Variants in ZCCHC17 observed in about 807,000 individuals in gnomAD.
The protein encoded by ZCCHC17 is zinc finger CCHC domain-containing protein 17.
A neutral mutation model predicts 30.6 loss-of-function variants in ZCCHC17; 18 were observed. That is an observed-to-expected ratio of 0.59 (90% CI 0.41 to 0.87). The LOEUF is 0.87. Among genes scored for constraint, ZCCHC17 ranks in the 40% least tolerant of loss-of-function variants. The pLI, the probability that ZCCHC17 is intolerant of heterozygous loss-of-function variation, is 0.00. For synonymous variants in ZCCHC17, 88 were observed against 92.4 expected, an observed-to-expected ratio of 0.95 and a Z score of 0.27; for missense variants, 263 against 284.2, an observed-to-expected ratio of 0.93 and a Z score of 0.54.
At chr1:31,318,336 G>A in intron 2 of ZCCHC17, 2 of 996,022 alleles carry the variant, frequency 2.0e-6, no homozygotes, top group Non-Finnish European at 2.9e-6. Context: ...GGGGGATGGG[G>A]TAGGCTACAG....
At chr1:31,350,496 C>G (rs549480068) in intron 7 of ZCCHC17, among the ~76,000 whole-genome samples, 40 of 152,224 alleles carry the variant, frequency 2.6e-4, no homozygotes, top group African/African-American at 9.6e-4. Context: ...ACATTCTTAA[C>G]TAGGATGCCA....
chr1:31,308,737 A>G (rs1417559165), intron 1 of ZCCHC17, among the ~76,000 whole-genome samples: 4 of 152,230 alleles, frequency 2.6e-5, no homozygotes, highest in Admixed American at 6.5e-5. Context: ...CAAAGCTGTA[A>G]GTTTTGCTAC....
intron 5 of ZCCHC17, among the ~76,000 whole-genome samples, chr1:31,344,472 C>A (rs1639167031): frequency 6.6e-6 from 1 of 152,132 alleles, no homozygotes; most frequent in Non-Finnish European, 1.5e-5. Flanking sequence ...CACTTACTAG[C>A]TGTACTGAAA....
intron 3 of ZCCHC17, among the ~76,000 whole-genome samples, chr1:31,320,096 A>G (rs1455587222): frequency 6.6e-6 from 1 of 152,192 alleles, no homozygotes; most frequent in Non-Finnish European, 1.5e-5. Context: ...TTGGTACTAT[A>G]GTAAAAGATA....
At position 31,338,999 on chromosome 1, in the gene ZCCHC17, G is replaced by A. The variant is rs1411054259; in HGVS notation, c.268G>A (p.Val90Ile). 6.2e-7 allele frequency: 1 copy of A among 1,612,866 alleles called. No individual in the cohort carries two copies. The highest frequency in any genetic ancestry group is 1.1e-5 in the South Asian group (1 of 90,686). Residue 90 changes from valine (V) to isoleucine (I), a missense_variant, in exon 5 of 8, where the codon GTC (valine) becomes ATC (isoleucine). Transcript: ENST00000344147. ...RIKVSLSMKVVNQGTGKDLDP... is the reference protein window; with the variant it reads ...RIKVSLSMKVINQGTGKDLDP... ...AAAAGTATCCCTCTCCATGAAGGTT[G>A]TCAATCAAGGGACTGGGAAAGACCT...
chr1:31,343,303 G>A (rs1270572027), intron 5 of ZCCHC17, among the ~76,000 whole-genome samples: 6 of 152,176 alleles, frequency 3.9e-5, no homozygotes, highest in Non-Finnish European at 8.8e-5. Flanking sequence ...CAAGTAATCC[G>A]CCTGCCTTGG....
intron 7 of ZCCHC17, among the ~76,000 whole-genome samples, chr1:31,358,902 G>A (rs1639752877): frequency 2.0e-5 from 3 of 152,116 alleles, no homozygotes; most frequent in African/African-American, 7.2e-5. Flanking sequence ...AAGAGACTGA[G>A]CCCCAGAGTG....
At chr1:31,327,343 A>G (rs1193286181) in intron 3 of ZCCHC17, among the ~76,000 whole-genome samples, 1 of 152,240 alleles carries the variant, frequency 6.6e-6, no homozygotes, top group Non-Finnish European at 1.5e-5. Flanking sequence ...AGCTGTAAAC[A>G]GGGGTTCCAT....
intron 7 of ZCCHC17, among the ~76,000 whole-genome samples, chr1:31,351,384 A>T (rs182410791): frequency 7.7e-4 from 117 of 152,084 alleles, no homozygotes; most frequent in African/African-American, 2.7e-3. Flanking sequence ...GAGTTTTAAA[A>T]AATACATATT....
At chr1:31,323,257 T>C (rs189866786) in intron 3 of ZCCHC17, among the ~76,000 whole-genome samples, 1 of 152,364 alleles carries the variant, frequency 6.6e-6, no homozygotes, top group Admixed American at 6.5e-5. Context: ...TAGTGTACTA[T>C]AGTTTTCCAA....
intron 1 of ZCCHC17, among the ~76,000 whole-genome samples, chr1:31,305,998 G>A (rs971486595): frequency 1.3e-5 from 2 of 152,022 alleles, no homozygotes; most frequent in African/African-American, 4.8e-5. Flanking sequence ...ATTGGAAGAC[G>A]TTTCTGTTTG....
chr1:31,325,538 T>C (rs1339073806), intron 3 of ZCCHC17, among the ~76,000 whole-genome samples: 1 of 152,196 alleles, frequency 6.6e-6, no homozygotes, highest in Non-Finnish European at 1.5e-5. Flanking sequence ...TGCCAGCACC[T>C]GGAGCTGCCT....
chr1:31,300,957 G>A (rs1646297046), intron 1 of ZCCHC17, among the ~76,000 whole-genome samples: 1 of 151,772 alleles, frequency 6.6e-6, no homozygotes, highest in Non-Finnish European at 1.5e-5. Context: ...GAAAAAAAAG[G>A]GTGGTTTAGT....
chr1:31,329,897 AC>A (rs1225931998), intron 3 of ZCCHC17, among the ~76,000 whole-genome samples: 1 of 152,186 alleles, frequency 6.6e-6, no homozygotes, highest in Non-Finnish European at 1.5e-5. Context: ...TGTTTCATTA[AC>A]GCTTGGATAT....
intron 3 of ZCCHC17, among the ~76,000 whole-genome samples, chr1:31,326,433 G>T (rs918810803): frequency 2.0e-5 from 3 of 152,194 alleles, no homozygotes; most frequent in African/African-American, 7.2e-5. Flanking sequence ...CTGTAATTAA[G>T]TTTCTCATTT....
At chr1:31,312,939 A>C (rs1042473075) in intron 2 of ZCCHC17, among the ~76,000 whole-genome samples, 2 of 151,838 alleles carry the variant, frequency 1.3e-5, no homozygotes, top group Non-Finnish European at 2.9e-5. Context: ...CACCCAGCTA[A>C]ATTTTGTACT....
At chr1:31,308,684 T>A (rs1289555137) in intron 1 of ZCCHC17, among the ~76,000 whole-genome samples, 3 of 152,194 alleles carry the variant, frequency 2.0e-5, no homozygotes, top group African/African-American at 7.2e-5. Flanking sequence ...CCCCTCTGTT[T>A]AAGATCAGGA....
chr1:31,359,227 A>C (rs1385461536), intron 7 of ZCCHC17, among the ~76,000 whole-genome samples: 1 of 152,130 alleles, frequency 6.6e-6, no homozygotes, highest in Admixed American at 6.5e-5. Context: ...TTAGAAAATT[A>C]AGTACTGGCT....
intron 3 of ZCCHC17, among the ~76,000 whole-genome samples, chr1:31,336,058 T>TTATG (rs1277649803): frequency 2.6e-5 from 4 of 152,068 alleles, no homozygotes; most frequent in East Asian, 3.9e-4. Flanking sequence ...ATTTATGTAT[T>TTATG]TATGTATGTA....
Sources: gnomAD v4.1 joint callset for allele counts (sites outside exome capture counted in the v4.1 genomes callset) on GRCh38, gnomAD v4.1.1 for gene constraint, MANE v1.5 for transcripts, NCBI Gene and HGNC (gene_info 2026-07-23, HGNC 2026-07-21) for gene names.